The following IL1RL2 variants were observed in gnomAD, a reference collection of about 807,000 sequenced individuals.
The protein encoded by IL1RL2 is interleukin 1 receptor like 2, also known as interleukin-1 receptor-like 2.
IL1RL2 carries 68 observed loss-of-function variants against 66.8 expected under a neutral mutation model. The observed-to-expected ratio is 1.02, with a 90% confidence interval of 0.84 to 1.25. The LOEUF is 1.25. IL1RL2 is among the 50% of genes most tolerant of loss of function. The pLI is 0.00. For synonymous variants in IL1RL2, 305 were observed against 264.6 expected, an observed-to-expected ratio of 1.15 and a Z score of -1.48; for missense variants, 729 against 709.3, an observed-to-expected ratio of 1.03 and a Z score of -0.32.
chr2:102,210,870 G>A (rs1400100363), intron 5 of IL1RL2, among the ~76,000 whole-genome samples: 2 of 152,208 alleles, frequency 1.3e-5, no homozygotes, highest in Non-Finnish European at 2.9e-5. Context: ...GACCTTCAAA[G>A]TCATTGGCCT....
chr2:102,199,765 G>A (rs1688082663), intron 4 of IL1RL2, among the ~76,000 whole-genome samples: 1 of 152,206 alleles, frequency 6.6e-6, no homozygotes, highest in African/African-American at 2.4e-5. Context: ...GCTCAGCCAT[G>A]GAAGCACAGC....
rs913431449 is a variant in IL1RL2, at chr2:102,215,342, C to T, written c.724+3168C>T. Among the ~76,000 whole-genome samples the T allele has an allele frequency of 2.6e-5, 4 of 152,150 alleles. No homozygotes were observed. In the East Asian group the frequency reaches 7.7e-4, roughly 29 times the overall value. ...CAGTAGCCACTGCATCTCTCCATCC[C>T]CAATGCTTTCCCGTCATTTCACCAT... On this transcript the variant is annotated intron_variant, in intron 6 of 11. Coordinates refer to ENST00000264257, the MANE Select transcript of IL1RL2 (RefSeq NM_003854.4).
intron 9 of IL1RL2, among the ~76,000 whole-genome samples, chr2:102,228,008 G>T (rs1690783743): frequency 6.6e-6 from 1 of 152,222 alleles, no homozygotes; most frequent in Non-Finnish European, 1.5e-5. Flanking sequence ...GAGTTAGGCA[G>T]CCCCGCCCTC....
At chr2:102,238,706 T>C (rs917901771) in intron 11 of IL1RL2, among the ~76,000 whole-genome samples, 6 of 152,210 alleles carry the variant, frequency 3.9e-5, no homozygotes, top group Non-Finnish European at 8.8e-5. Flanking sequence ...TGGAGTGAGC[T>C]ACAGAGGGTG....
intron 4 of IL1RL2, among the ~76,000 whole-genome samples, chr2:102,197,415 A>G (rs1687881283): frequency 6.6e-6 from 1 of 152,230 alleles, no homozygotes; most frequent in South Asian, 2.1e-4. Context: ...TGGAAATTAG[A>G]CAAAAGTAGA....
chr2:102,239,118 A>G, intron 11 of IL1RL2, 74 bp from the exon 12 acceptor site: 5 of 1,375,424 alleles, frequency 3.6e-6, no homozygotes, highest in Non-Finnish European at 5.2e-6. Context: ...TCGCATTCCC[A>G]TGGCAGGTTT....
In IL1RL2 at chr2:102,201,703, A is replaced by G. The variant is rs763652307; in HGVS notation, c.637A>G (p.Thr213Ala). 2.5e-6 allele frequency: 4 copies of G among 1,613,800 alleles called. No homozygotes were observed. The highest frequency in any genetic ancestry group is 3.4e-6 in the Non-Finnish European group (4 of 1,179,842). ...GKQYEVLNGI[T>A]VSITERAGYG... is the part of the protein sequence containing the mutation. ...GCAGTACGAGGTTTTAAATGGCATC[A>G]CTGTGAGCATTAGTAAGTATGCTCA... The change falls in exon 5 of 12, where the codon ACT becomes GCT. Residue 213 changes from threonine to alanine, a missense_variant. Physicochemically the swap from Thr to Ala is moderately conservative, Grantham distance 58. Transcript: ENST00000264257.
At chr2:102,213,566 A>T (rs1689362271) in intron 6 of IL1RL2, among the ~76,000 whole-genome samples, 2 of 152,144 alleles carry the variant, frequency 1.3e-5, no homozygotes, top group South Asian at 4.1e-4. Flanking sequence ...AAATCTCTTA[A>T]TTATTTGCAT....
rs1011028511 is a variant in IL1RL2 at position 102,201,346 on chromosome 2, C to T, written c.490-210C>T. The stretch of plus-strand genomic sequence containing the variant: ...ATGCACATATATATGTACACACACA[C>T]ACATATATACACATTATATACAGAC... On this transcript the variant is annotated intron_variant, in intron 4 of 11. Transcript: ENST00000264257. Among the ~76,000 whole-genome samples the T allele has an allele frequency of 7.2e-4, 109 of 152,134 alleles. 1 individual carries two copies. Among genetic ancestry groups the T allele is most frequent in the African/African-American group, 2.5e-3 (105 of 41,436 alleles).
chr2:102,218,841 A>G (rs1689841887), intron 6 of IL1RL2, 112 bp from the exon 7 acceptor site: 1 of 888,800 alleles, frequency 1.1e-6, no homozygotes, highest in Non-Finnish European at 1.7e-6. Context: ...TATTTCTGGT[A>G]ATCAAAAGGT....
intron 8 of IL1RL2, among the ~76,000 whole-genome samples, chr2:102,223,625 C>T (rs767356781): frequency 6.6e-6 from 1 of 152,184 alleles, no homozygotes; most frequent in Non-Finnish European, 1.5e-5. Context: ...TCAGTACTCT[C>T]GAAGGCAATG....
At chr2:102,207,132 C>G (rs755829605) in intron 5 of IL1RL2, among the ~76,000 whole-genome samples, 27 of 152,178 alleles carry the variant, frequency 1.8e-4, no homozygotes, top group Non-Finnish European at 3.7e-4. Flanking sequence ...GGGACTCACT[C>G]TTCAGGGCAC....
chr2:102,219,712 G>T (rs1689929565), intron 7 of IL1RL2, among the ~76,000 whole-genome samples, 169 bp from the exon 8 acceptor site: 1 of 152,046 alleles, frequency 6.6e-6, no homozygotes, highest in Non-Finnish European at 1.5e-5. Flanking sequence ...TGCAAATTTG[G>T]GAATATACAA....
intron 11 of IL1RL2, 128 bp from the exon 12 acceptor site, chr2:102,239,064 T>C: frequency 2.7e-6 from 2 of 748,228 alleles, no homozygotes; most frequent in South Asian, 3.0e-5. Flanking sequence ...AATGGAAGCC[T>C]CAGGGATATA....
intron 11 of IL1RL2, among the ~76,000 whole-genome samples, chr2:102,238,000 G>T (rs182723058): frequency 1.3e-5 from 2 of 152,276 alleles, no homozygotes; most frequent in African/African-American, 4.8e-5. Flanking sequence ...TTTCCAAGGA[G>T]CCAGTGTGCC....
downstream of IL1RL2, among the ~76,000 whole-genome samples, chr2:102,240,809 C>G (rs1237088366): frequency 6.6e-6 from 1 of 152,152 alleles, no homozygotes; most frequent in Non-Finnish European, 1.5e-5. Flanking sequence ...TTTAAATGAC[C>G]ACAGGATAGT....
chr2:102,204,262 AT>A, intron 5 of IL1RL2, among the ~76,000 whole-genome samples: 1 of 151,860 alleles, frequency 6.6e-6, no homozygotes, highest in Non-Finnish European at 1.5e-5. Context: ...TATTATTCCA[AT>A]TTTTTCAGTG....
At chr2:102,212,076 T>C (rs1371019614) in intron 5 of IL1RL2, 24 bp from the exon 6 acceptor site, 1 of 1,579,154 alleles carries the variant, frequency 6.3e-7, no homozygotes, top group Non-Finnish European at 8.7e-7. Flanking sequence ...TCTAATGCAA[T>C]TTCCTGTGGG....
At position 102,235,433 on chromosome 2, in the gene IL1RL2, C is replaced by T. The variant is rs1674797094; in HGVS notation, c.1678+156C>T. ...TGAGAGGATCTGTTGTGTTTGTTGT[C>T]ATTTGTTTGCTTCGATCAGAGCTGC... On this transcript the variant is annotated intron_variant, in intron 11 of 11. Coordinates refer to ENST00000264257, the MANE Select transcript of IL1RL2 (RefSeq NM_003854.4). The T allele has an allele frequency of 4.1e-6, 4 of 985,300 alleles. No homozygotes were observed. The South Asian group carries it at 1.9e-4, about 46-fold the overall frequency. The allele number at this position is 985,300 out of a possible 1,614,324, so 61.0% of individuals were successfully genotyped here. A position where few individuals can be genotyped will look rare whatever the true frequency, so the allele number is the denominator to read the frequency against.
Sources: gnomAD v4.1 joint callset for allele counts (sites outside exome capture counted in the v4.1 genomes callset) on GRCh38, gnomAD v4.1.1 for gene constraint, MANE v1.5 for transcripts, NCBI Gene and HGNC (gene_info 2026-07-23, HGNC 2026-07-21) for gene names.